Variants in RAB21 observed in about 807,000 individuals in gnomAD.
RAB21 encodes ras-related protein Rab-21.
A neutral mutation model predicts 33.1 loss-of-function variants in RAB21; 13 were observed. That is an observed-to-expected ratio of 0.39 (90% CI 0.26 to 0.62). The LOEUF is 0.62. Ranked by LOEUF, RAB21 falls within the 20% of genes least tolerant of loss-of-function variation. The pLI, the probability that RAB21 is intolerant of heterozygous loss-of-function variation, is 0.48. For missense variants in RAB21, 234 were observed against 279.1 expected, an observed-to-expected ratio of 0.84 and a Z score of 1.15; for synonymous variants, 91 against 103.7, an observed-to-expected ratio of 0.88 and a Z score of 0.74.
chr12:71,780,901 ATGTT>A lies in RAB21; in HGVS notation c.392-1123_392-1120del, dbSNP rs1281598818. Among the ~76,000 whole-genome samples, 3 of 152,272 alleles carry A rather than the reference ATGTT, an allele frequency of 2.0e-5. No homozygotes were observed. In the East Asian group the frequency reaches 5.8e-4, roughly 29 times the overall value. ...TAAAAGCCATAGTAGAAGAATAAAA[ATGTT>A]TGTTTGAAGTGTCCTTCCATAGGGT... On this transcript the variant is annotated intron_variant, in intron 4 of 6. Coordinates refer to ENST00000261263, the MANE Select transcript of RAB21 (RefSeq NM_014999.4).
At chr12:71,757,975 G>A (rs1174499338) in intron 1 of RAB21, among the ~76,000 whole-genome samples, 1 of 151,386 alleles carries the variant, frequency 6.6e-6, no homozygotes, top group African/African-American at 2.4e-5. Flanking sequence ...AAATGAACTG[G>A]TATTATGGAA....
At chr12:71,777,920 A>G (rs117962664) in intron 4 of RAB21, among the ~76,000 whole-genome samples, 3,721 of 152,266 alleles carry the variant, frequency 0.024, 58 homozygotes, top group Middle Eastern at 0.041. Context: ...GATTGCTTAA[A>G]TTTTTTAGCA....
chr12:71,767,203 A>G (rs1210131636), intron 1 of RAB21, among the ~76,000 whole-genome samples: 3 of 152,144 alleles, frequency 2.0e-5, no homozygotes, highest in Non-Finnish European at 4.4e-5. Context: ...TGTCATGTGT[A>G]CCCTTTCCGT....
In RAB21 at chr12:71,770,646, T is replaced by G. The variant is rs1238537904; in HGVS notation, c.274T>G (p.Ser92Ala). ...ATTGGGTCCAATTTACTACAGAGAT[T>G]CAAATGGAGCGATTTTAGTTTATGA... ...HALGPIYYRDSNGAILVYDIT... is the reference protein window; with the variant it reads ...HALGPIYYRDANGAILVYDIT... Residue 92 changes from serine to alanine, a missense_variant, in exon 3 of 7, where the codon TCA (serine) becomes GCA (alanine). Coordinates refer to ENST00000261263, the MANE Select transcript of RAB21 (RefSeq NM_014999.4). 10 of 1,609,788 alleles carry G rather than the reference T, an allele frequency of 6.2e-6. No homozygotes were observed. In the East Asian group the frequency reaches 2.2e-4, roughly 36 times the overall value.
At chr12:71,781,588 G>A (rs951039963) in intron 4 of RAB21, among the ~76,000 whole-genome samples, 1 of 152,112 alleles carries the variant, frequency 6.6e-6, no homozygotes, top group Non-Finnish European at 1.5e-5. Context: ...ATACTTGTAG[G>A]ATCCAAGAGG....
intron 1 of RAB21, among the ~76,000 whole-genome samples, chr12:71,768,287 A>G (rs1463770043): frequency 1.3e-5 from 2 of 152,104 alleles, no homozygotes; most frequent in African/African-American, 4.8e-5. Context: ...TAGCAAAAAG[A>G]CCTTCCTGAA....
intron 4 of RAB21, among the ~76,000 whole-genome samples, chr12:71,781,054 T>TTAA (rs1324880360): frequency 6.6e-6 from 1 of 152,246 alleles, no homozygotes; most frequent in African/African-American, 2.4e-5. Flanking sequence ...ATGGCTTTTT[T>TTAA]TAAAAGTATA....
At chr12:71,761,169 A>G (rs1898022) in intron 1 of RAB21, among the ~76,000 whole-genome samples, 30,422 of 151,934 alleles carry the variant, frequency 0.2, 3,522 homozygotes, top group East Asian at 0.38. Context: ...ATTGTGCCAC[A>G]GCACTCCAGC....
At chr12:71,779,808 C>T (rs1302847985) in intron 4 of RAB21, among the ~76,000 whole-genome samples, 4 of 152,036 alleles carry the variant, frequency 2.6e-5, no homozygotes, top group African/African-American at 9.7e-5. Context: ...TCCTTGTTTT[C>T]AGGTGTTTTA....
At chr12:71,771,344 C>G (rs185196055) in intron 3 of RAB21, among the ~76,000 whole-genome samples, 82 of 152,244 alleles carry the variant, frequency 5.4e-4, no homozygotes, top group African/African-American at 1.8e-3. Context: ...TCCTAAAGCT[C>G]TTCTTGGAAT....
rs1181322908 is a variant in RAB21 at position 71,797,499 on chromosome 12, T to A, written c.*11826T>A. The A allele has an allele frequency of 1.3e-5, 2 of 150,968 alleles. No individual in the cohort carries two copies. The highest frequency in any genetic ancestry group is 2.9e-5 in the Non-Finnish European group (2 of 67,890). The allele number at this position is 150,968 out of a possible 1,614,324, so 9.4% of individuals were successfully genotyped here. ...ATAAATTCAAACACATGGAGATGCA[T>A]ATCATATTCTTGGATAGGAAGACAA... On this transcript the variant is annotated 3_prime_UTR_variant, in exon 7 of 7. Coordinates refer to ENST00000261263, the MANE Select transcript of RAB21 (RefSeq NM_014999.4).
rs938524545 is a variant in RAB21, at chr12:71,794,243, AAAAGTT to A, written c.*8574_*8579del. On this transcript the variant is annotated 3_prime_UTR_variant, in exon 7 of 7. Coordinates refer to ENST00000261263, the MANE Select transcript of RAB21 (RefSeq NM_014999.4). ...TCTCAAAAAAAGAAAAAAGAAAAAA[AAAAGTT>A]AAAAGTTGTGGCATGGTGGCTCACG... 9 of 150,210 alleles carry A rather than the reference AAAAGTT, an allele frequency of 6.0e-5. No individual in the cohort carries two copies. The highest frequency in any genetic ancestry group is 2.0e-4 in the African/African-American group (8 of 40,762). The allele number at this position is 150,210 out of a possible 1,614,324, so 9.3% of individuals were successfully genotyped here.
In RAB21 at chr12:71,787,935, A is replaced by G. The variant is rs1883319853; in HGVS notation, c.*2262A>G. The G allele has an allele frequency of 6.6e-6, 1 of 152,158 alleles. No individual in the cohort carries two copies. The highest frequency in any genetic ancestry group is 1.5e-5 in the Non-Finnish European group (1 of 68,016). The allele number at this position is 152,158 out of a possible 1,614,324, so 9.4% of individuals were successfully genotyped here. Reference sequence around the variant, plus strand: ...GAGTGAAGAAAGCTTTTCCATTCTTACTGTTGTAGAAGTAGATAGGAAATA... The same window carrying G: ...GAGTGAAGAAAGCTTTTCCATTCTTGCTGTTGTAGAAGTAGATAGGAAATA... On this transcript the variant is annotated 3_prime_UTR_variant, in exon 7 of 7. Coordinates refer to ENST00000261263, the MANE Select transcript of RAB21 (RefSeq NM_014999.4).
chr12:71,774,106 T>G (rs1387240704), intron 4 of RAB21, 84 bp downstream of exon 4: 1 of 918,428 alleles, frequency 1.1e-6, no homozygotes, highest in Non-Finnish European at 1.6e-6. Flanking sequence ...TGTTTTAAAG[T>G]TATATGAGAA....
Position 71,794,404 on chromosome 12 carries a change from A to ATT in RAB21, c.*8732_*8733dup, listed in dbSNP as rs1286540856. 3 of 90,148 alleles carry ATT rather than the reference A, an allele frequency of 3.3e-5. No homozygotes were observed. The highest frequency in any genetic ancestry group is 3.7e-4 in the South Asian group (1 of 2,684). 5.6% of individuals were successfully genotyped at this position (90,148 alleles called of 1,614,324 possible). ...CAAAACAAAACAAAACCATATATAT[A>ATT]TTATATATATATATATATATATATT... On this transcript the variant is annotated 3_prime_UTR_variant, in exon 7 of 7. Transcript: ENST00000261263.
In RAB21 at chr12:71,793,459, A is replaced by G. The variant is rs1165931125; in HGVS notation, c.*7786A>G. The G allele has an allele frequency of 6.6e-6, 1 of 152,234 alleles. No homozygotes were observed. Among genetic ancestry groups the G allele is most frequent in the Non-Finnish European group, 1.5e-5 (1 of 68,046 alleles). 9.4% of individuals were successfully genotyped at this position (152,234 alleles called of 1,614,324 possible). A position where few individuals can be genotyped will look rare whatever the true frequency, so the allele number is the denominator to read the frequency against. On this transcript the variant is annotated 3_prime_UTR_variant, in exon 7 of 7. Coordinates refer to ENST00000261263, the MANE Select transcript of RAB21 (RefSeq NM_014999.4). ...AGGATATTTTTGATATTACAATATA[A>G]TAAAGTTAAATCATCTAGTCCTCCT...
At position 71,790,142 on chromosome 12, in the gene RAB21, C is replaced by T. The variant is rs1276515146; in HGVS notation, c.*4469C>T. On this transcript the variant is annotated 3_prime_UTR_variant, in exon 7 of 7. Transcript: ENST00000261263. ...GAGTAAACATGATGAGTTAATGTTA[C>T]ACAGCATACCCAGTTAGGTCTCTTA... The T allele has an allele frequency of 6.6e-6, 1 of 152,160 alleles. No homozygotes were observed. The highest frequency in any genetic ancestry group is 2.4e-5 in the African/African-American group (1 of 41,450). The allele number at this position is 152,160 out of a possible 1,614,324, so 9.4% of individuals were successfully genotyped here.
intron 1 of RAB21, among the ~76,000 whole-genome samples, 157 bp downstream of exon 1, chr12:71,755,445 C>T (rs1882770863): frequency 6.6e-6 from 1 of 152,150 alleles, no homozygotes. Context: ...CCTGGGGAAT[C>T]ACCAGGTCGG....
In RAB21 at chr12:71,791,600, C is replaced by T. The variant is rs748811176; in HGVS notation, c.*5927C>T. The T allele has an allele frequency of 4.6e-5, 7 of 152,160 alleles. No homozygotes were observed. Among genetic ancestry groups the T allele is most frequent in the Non-Finnish European group, 1.0e-4 (7 of 68,032 alleles). 9.4% of individuals were successfully genotyped at this position (152,160 alleles called of 1,614,324 possible). Reference sequence around the variant, plus strand: ...ACTCCCATAACAGGACATGATGCTACCAAAAATTCAAACTTGTATTTGATC... The same window carrying T: ...ACTCCCATAACAGGACATGATGCTATCAAAAATTCAAACTTGTATTTGATC... On this transcript the variant is annotated 3_prime_UTR_variant, in exon 7 of 7. Transcript: ENST00000261263.
Sources: gnomAD v4.1 joint callset for allele counts (sites outside exome capture counted in the v4.1 genomes callset) on GRCh38, gnomAD v4.1.1 for gene constraint, MANE v1.5 for transcripts, NCBI Gene and HGNC (gene_info 2026-07-23, HGNC 2026-07-21) for gene names.